NRXN1: variants seen among roughly 807,000 people sequenced by gnomAD.
The protein encoded by NRXN1 is neurexin 1, also known as neurexin-1.
Under a neutral mutation model 150.9 loss-of-function variants are expected in NRXN1, and 39 were observed. The ratio of observed to expected loss-of-function variants is 0.26; its 90% CI spans 0.20 to 0.34. The LOEUF (loss-of-function observed/expected upper bound fraction) is 0.34. NRXN1 is among the 10% of genes least tolerant of loss of function. The probability of loss-of-function intolerance (pLI) is 1.00; values close to 1 mark genes in which losing one functional copy is unlikely to be tolerated. For missense variants in NRXN1, 1,815 were observed against 1,949.9 expected, an observed-to-expected ratio of 0.93 and a Z score of 1.30; for synonymous variants, 924 against 757.0, an observed-to-expected ratio of 1.22 and a Z score of -3.62.
chr2:50,015,857 C>G (rs1474488798), intron 21 of NRXN1, among the ~76,000 whole-genome samples: 1 of 152,046 alleles, frequency 6.6e-6, no homozygotes, highest in Non-Finnish European at 1.5e-5. Flanking sequence ...GCCTTTTCAT[C>G]TATAAAATGG....
At chr2:50,147,748 T>G (rs1216444406) in intron 18 of NRXN1, among the ~76,000 whole-genome samples, 1 of 151,802 alleles carries the variant, frequency 6.6e-6, no homozygotes, top group Non-Finnish European at 1.5e-5. Flanking sequence ...TAAAACAAGT[T>G]TCTAACATGA....
chr2:49,999,946 GGAA>G (rs1450400202), intron 21 of NRXN1, among the ~76,000 whole-genome samples: 1 of 152,112 alleles, frequency 6.6e-6, no homozygotes, highest in Non-Finnish European at 1.5e-5. Flanking sequence ...ATGAAGCTGT[GGAA>G]GAAGATTTTT....
intron 18 of NRXN1, among the ~76,000 whole-genome samples, chr2:50,093,529 G>A (rs1157902220): frequency 2.6e-5 from 4 of 151,692 alleles, no homozygotes; most frequent in African/African-American, 9.7e-5. Context: ...CAACTACTCA[G>A]GAGGCTGAGG....
chr2:50,355,450 T>C (rs369826570), intron 17 of NRXN1, among the ~76,000 whole-genome samples: 117 of 152,130 alleles, frequency 7.7e-4, no homozygotes, highest in African/African-American at 2.8e-3. Context: ...TGTGCCTCCA[T>C]GCCTCTTGTT....
chr2:50,649,921 T>C (rs1352644848), intron 5 of NRXN1, among the ~76,000 whole-genome samples: 1 of 152,006 alleles, frequency 6.6e-6, no homozygotes, highest in Non-Finnish European at 1.5e-5. Context: ...GCTGTGGTCA[T>C]CTACATTCTC....
chr2:50,132,381 C>T (rs1192340521), intron 18 of NRXN1, among the ~76,000 whole-genome samples: 1 of 149,652 alleles, frequency 6.7e-6, no homozygotes, highest in Non-Finnish European at 1.5e-5. Flanking sequence ...TCTTGGCTCA[C>T]TGCAACCTCC....
chr2:50,841,172 G>A (rs1414105506), intron 5 of NRXN1: 2 of 152,484 alleles, frequency 1.3e-5, no homozygotes, highest in Non-Finnish European at 2.9e-5. Flanking sequence ...ACTAAATGTG[G>A]ACTTCTATAC....
intron 18 of NRXN1, among the ~76,000 whole-genome samples, chr2:50,188,571 T>C (rs1314495120): frequency 6.6e-6 from 1 of 151,946 alleles, no homozygotes; most frequent in Non-Finnish European, 1.5e-5. Flanking sequence ...TAAACTATCA[T>C]TAGAGTGAAT....
intron 9 of NRXN1, among the ~76,000 whole-genome samples, chr2:50,546,523 A>G (rs1006530148): frequency 6.6e-6 from 1 of 152,174 alleles, no homozygotes; most frequent in Non-Finnish European, 1.5e-5. Context: ...CATATTAAAC[A>G]GATAGCCTGA....
At chr2:50,240,965 A>G (rs979927784) in intron 17 of NRXN1, among the ~76,000 whole-genome samples, 4 of 151,698 alleles carry the variant, frequency 2.6e-5, no homozygotes, top group African/African-American at 9.7e-5. Flanking sequence ...AAAGTTGGAC[A>G]TATTTCAAAG....
chr2:50,927,674 C>T (rs900172602), intron 2 of NRXN1, among the ~76,000 whole-genome samples: 1 of 151,846 alleles, frequency 6.6e-6, no homozygotes, highest in Admixed American at 6.6e-5. Context: ...GAAATTGTAT[C>T]TTCTGTTTAA....
chr2:50,855,781 C>G (rs1193094555), intron 5 of NRXN1, among the ~76,000 whole-genome samples: 1 of 152,036 alleles, frequency 6.6e-6, no homozygotes, highest in African/African-American at 2.4e-5. Flanking sequence ...TGTCCACTGA[C>G]TATCCTATCC....
intron 5 of NRXN1, among the ~76,000 whole-genome samples, chr2:50,838,190 T>C (rs556219153): frequency 6.6e-6 from 1 of 152,256 alleles, no homozygotes; most frequent in East Asian, 1.9e-4. Context: ...TTATCAGCAA[T>C]GTTAGTGTAG....
At chr2:50,682,307 T>C (rs1690523351) in intron 5 of NRXN1, among the ~76,000 whole-genome samples, 1 of 152,190 alleles carries the variant, frequency 6.6e-6, no homozygotes, top group South Asian at 2.1e-4. Context: ...AAAATCTTCA[T>C]AAACCTTAGC....
chr2:49,948,657 T>G (rs913382526), intron 21 of NRXN1, among the ~76,000 whole-genome samples: 2 of 151,960 alleles, frequency 1.3e-5, no homozygotes, highest in Admixed American at 6.6e-5. Flanking sequence ...TGCACAATTT[T>G]CTAGCCAAAG....
intron 8 of NRXN1, 149 bp from the exon 9 acceptor site, chr2:50,553,174 A>C: frequency 1.6e-6 from 1 of 629,564 alleles, no homozygotes; most frequent in Non-Finnish European, 2.7e-6. Context: ...TCTCAGGCAA[A>C]TAAAATTCAA....
chr2:50,553,548 C>T (rs566046844), intron 8 of NRXN1, among the ~76,000 whole-genome samples: 4 of 152,200 alleles, frequency 2.6e-5, no homozygotes, highest in Admixed American at 6.5e-5. Context: ...AAGACAGTCA[C>T]AACAAGTTAA....
intron 18 of NRXN1, among the ~76,000 whole-genome samples, chr2:50,215,674 T>C (rs1201986446): frequency 6.6e-6 from 1 of 152,058 alleles, no homozygotes; most frequent in Non-Finnish European, 1.5e-5. Flanking sequence ...ATGTGTATAA[T>C]GCTATTAACT....
chr2:50,502,244 AAGG>A (rs2091985335), intron 13 of NRXN1, among the ~76,000 whole-genome samples: 1 of 152,214 alleles, frequency 6.6e-6, no homozygotes, highest in East Asian at 1.9e-4. Flanking sequence ...GGAAGGAAGG[AAGG>A]AGGGAAAAAA....
Sources: gnomAD v4.1 joint callset for allele counts (sites outside exome capture counted in the v4.1 genomes callset) on GRCh38, gnomAD v4.1.1 for gene constraint, MANE v1.5 for transcripts, NCBI Gene and HGNC (gene_info 2026-07-23, HGNC 2026-07-21) for gene names.